The following EFNB2 variants were observed in gnomAD, a reference collection of about 807,000 sequenced individuals.
EFNB2 encodes ephrin B2.
EFNB2 carries 5 observed loss-of-function variants against 32.1 expected under a neutral mutation model. The ratio of observed to expected loss-of-function variants is 0.16; its 90% confidence interval spans 0.08 to 0.33. The LOEUF (loss-of-function observed/expected upper bound fraction) is 0.33. EFNB2 is among the 10% of genes least tolerant of loss of function. The probability of loss-of-function intolerance (pLI) is 1.00; values close to 1 mark genes in which losing one functional copy is unlikely to be tolerated. For synonymous variants in EFNB2, 168 were observed against 166.5 expected (o/e 1.01, Z -0.07); for missense variants, 263 against 422.6 (o/e 0.62, Z 3.31).
At chr13:106,532,507 G>A (rs1879911324) in intron 1 of EFNB2, among the ~76,000 whole-genome samples, 1 of 152,100 alleles carries the variant, frequency 6.6e-6, no homozygotes, top group Non-Finnish European at 1.5e-5. Flanking sequence ...CTTCCCCAAG[G>A]AAAGCGACCC....
Position 106,500,469 on chromosome 13 carries a change from A to G in EFNB2, c.407-4629T>C, listed in dbSNP as rs536066051. Among the ~76,000 whole-genome samples, 18 of 152,330 alleles carry G rather than the reference A, an allele frequency of 1.2e-4. 1 individual carries two copies. In the South Asian group the frequency reaches 3.7e-3, roughly 32 times the overall value. On this transcript the variant is annotated intron_variant, in intron 2 of 4. Transcript: ENST00000646441. The stretch of plus-strand genomic sequence containing the variant: ...TTCAAATTATTTAAAAATGTAGCGT[A>G]TTTGTATGGGGCCAGGATGGAGGAG...
rs545135627 is a variant in EFNB2 at position 106,490,163 on chromosome 13, T to G, written c.*2877A>C. The G allele has an allele frequency of 6.5e-6, 1 of 152,774 alleles. No individual in the cohort carries two copies. The highest frequency in any genetic ancestry group is 2.1e-4 in the South Asian group (1 of 4,832). The allele number at this position is 152,774 out of a possible 1,614,324, so 9.5% of individuals were successfully genotyped here. ...TTTATAAAAAACCAACATTGCTCTA[T>G]GTACACAATCTGGGTAAGAAAAGCC... is the stretch of plus-strand genomic sequence containing the variant. On this transcript the variant is annotated 3_prime_UTR_variant, in exon 5 of 5. Coordinates refer to ENST00000646441, the MANE Select transcript of EFNB2 (RefSeq NM_004093.4).
chr13:106,494,856 A>G, intron 4 of EFNB2, 25 bp downstream of exon 4: 1 of 1,567,602 alleles, frequency 6.4e-7, no homozygotes, highest in Non-Finnish European at 8.8e-7. Context: ...ACAGACCTCC[A>G]TACACACAGA....
At position 106,530,435 on chromosome 13, in the gene EFNB2, G is replaced by A. The variant is rs145299457; in HGVS notation, c.122+4408C>T. On this transcript the variant is annotated intron_variant, in intron 1 of 4. Coordinates refer to ENST00000646441, the MANE Select transcript of EFNB2 (RefSeq NM_004093.4). ...GTGAGCTCATAAGCAAATCTATGTA[G>A]ATGTATATTAAGTGACCTGAAAAAC... Among the ~76,000 whole-genome samples, 141 of 152,258 alleles carry A rather than the reference G, an allele frequency of 9.3e-4. 3 individuals are homozygous for A. Among genetic ancestry groups the A allele is most frequent in the Admixed American group, 8.9e-3 (136 of 15,292 alleles).
intron 4 of EFNB2, among the ~76,000 whole-genome samples, chr13:106,494,398 T>C (rs997588901): frequency 2.0e-5 from 3 of 152,204 alleles, no homozygotes; most frequent in Admixed American, 1.3e-4. Flanking sequence ...TTCTTTTACA[T>C]GGAAAATGTG....
At position 106,526,623 on chromosome 13, in the gene EFNB2, T is replaced by A. The variant is rs573690167; in HGVS notation, c.122+8220A>T. Among the ~76,000 whole-genome samples, 444 of 152,280 alleles carry A rather than the reference T, an allele frequency of 2.9e-3. 6 individuals carry two copies. The highest frequency in any genetic ancestry group is 3.4e-3 in the Middle Eastern group (1 of 294). On this transcript the variant is annotated intron_variant, in intron 1 of 4. Transcript: ENST00000646441. ...GGCCTACGAGAACTTGCTTTTTTTT[T>A]AAATCTAAAATGTACCTCGAATATA... is the stretch of plus-strand genomic sequence containing the variant.
At chr13:106,512,843 T>C in intron 1 of EFNB2, 31 bp from the exon 2 acceptor site, 2 of 1,526,056 alleles carry the variant, frequency 1.3e-6, no homozygotes, top group East Asian at 2.3e-5. Context: ...AGCCATTGAG[T>C]TGATAAAAAT....
chr13:106,529,217 CA>C (rs1379478629), intron 1 of EFNB2, among the ~76,000 whole-genome samples: 4 of 152,090 alleles, frequency 2.6e-5, no homozygotes, highest in Non-Finnish European at 4.4e-5. Flanking sequence ...GTTTTCTTTT[CA>C]GATAACCCCA....
At position 106,493,022 on chromosome 13, in the gene EFNB2, G is replaced by A. The variant is rs377602354; in HGVS notation, c.*18C>T. The A allele has an allele frequency of 6.9e-6, 11 of 1,589,640 alleles. No homozygotes were observed. The East Asian group carries it at 1.8e-4, about 26-fold the overall frequency. On this transcript the variant is annotated 3_prime_UTR_variant, in exon 5 of 5. Transcript: ENST00000646441. The surrounding 1 kb of genome is among the most constrained non-coding windows in gnomAD (Gnocchi z 6.1). The stretch of plus-strand genomic sequence containing the variant: ...TTAGGTGTCCTCTGGGAAAGCACAG[G>A]TACCACCAGGGTCCCTCTCAGACCT...
In EFNB2 at chr13:106,534,982, C is replaced by G; in HGVS notation, c.-18G>C. 1 of 1,612,106 alleles carries G rather than the reference C, an allele frequency of 6.2e-7. No individual in the cohort carries two copies. Among genetic ancestry groups the G allele is most frequent in the Non-Finnish European group, 8.5e-7 (1 of 1,179,010 alleles). ...ACAGCCATGGCGAAGCCACTCCCAG[C>G]TCCGCGCACTCCGGGCCAAGAAGGG... On this transcript the variant is annotated 5_prime_UTR_variant, in exon 1 of 5. Transcript: ENST00000646441.
chr13:106,533,234 C>T (rs1053211232), intron 1 of EFNB2, among the ~76,000 whole-genome samples: 3 of 149,498 alleles, frequency 2.0e-5, no homozygotes, highest in African/African-American at 7.4e-5. Context: ...AGGCACCGGG[C>T]GGGCAGCGGC....
chr13:106,501,888 G>A (rs9514542), intron 2 of EFNB2, among the ~76,000 whole-genome samples: 42,776 of 152,008 alleles, frequency 0.28, 6,500 homozygotes, highest in East Asian at 0.43. Flanking sequence ...CACCGCGCCC[G>A]GCCCAGAATT....
chr13:106,499,518 T>TA (rs1483936794), intron 2 of EFNB2, among the ~76,000 whole-genome samples: 2 of 152,178 alleles, frequency 1.3e-5, no homozygotes, highest in Non-Finnish European at 2.9e-5. Context: ...ATTTTTAACT[T>TA]AGAGAAAGAG....
chr13:106,502,923 T>C (rs898906742), intron 2 of EFNB2, among the ~76,000 whole-genome samples: 4 of 152,136 alleles, frequency 2.6e-5, no homozygotes, highest in East Asian at 1.9e-4. Flanking sequence ...ATAGGGGGTA[T>C]AGATCAAGAA....
intron 1 of EFNB2, among the ~76,000 whole-genome samples, chr13:106,528,128 T>C (rs1054323833): frequency 6.6e-6 from 1 of 152,202 alleles, no homozygotes; most frequent in African/African-American, 2.4e-5. Context: ...CTCTCTCTGA[T>C]GAAGCTAGAC....
chr13:106,517,275 C>T (rs1258734938), intron 1 of EFNB2: 1 of 152,126 alleles, frequency 6.6e-6, no homozygotes, highest in Non-Finnish European at 1.5e-5. Flanking sequence ...ATCTTGTAAC[C>T]AAAAACAGCA....
At chr13:106,521,067 G>C (rs1001379688) in intron 1 of EFNB2, 1 of 152,130 alleles carries the variant, frequency 6.6e-6, no homozygotes, top group African/African-American at 2.4e-5. Flanking sequence ...TGGAACAATT[G>C]CGTGTTTTCA....
chr13:106,526,642 G>A (rs895966230), intron 1 of EFNB2, among the ~76,000 whole-genome samples: 29 of 151,982 alleles, frequency 1.9e-4, no homozygotes, highest in African/African-American at 6.8e-4. Flanking sequence ...AATGTACCTC[G>A]AATATAGTTC....
intron 2 of EFNB2, among the ~76,000 whole-genome samples, chr13:106,506,966 G>T (rs1163897715): frequency 2.0e-5 from 3 of 152,152 alleles, no homozygotes; most frequent in Admixed American, 1.3e-4. Context: ...CTCTTGGACA[G>T]GGGGAGGGTG....
Sources: gnomAD v4.1 joint callset for allele counts (sites outside exome capture counted in the v4.1 genomes callset) on GRCh38, gnomAD v4.1.1 for gene constraint, Gnocchi (gnomAD v3.1) non-coding constraint, MANE v1.5 for transcripts, NCBI Gene and HGNC (gene_info 2026-07-23, HGNC 2026-07-21) for gene names.